Variants in CHD6 observed in about 807,000 individuals in gnomAD.
CHD6 encodes the protein chromodomain helicase DNA binding protein 6.
CHD6 carries 50 observed loss-of-function variants against 276.9 expected under a neutral mutation model. The observed-to-expected ratio is 0.18, with a 90% CI of 0.14 to 0.23. The LOEUF (loss-of-function observed/expected upper bound fraction) is 0.23. Among genes scored for constraint, CHD6 ranks in the 10% least tolerant of loss-of-function variants. The pLI is 1.00. For missense variants in CHD6, 2,564 were observed against 3,365.8 expected (o/e 0.76, Z 5.89); for synonymous variants, 1,173 against 1,229.3 (o/e 0.95, Z 0.96).
At chr20:41,559,926 C>T (rs747664816) in intron 1 of CHD6, among the ~76,000 whole-genome samples, 7 of 151,974 alleles carry the variant, frequency 4.6e-5, no homozygotes, top group Non-Finnish European at 1.0e-4. Flanking sequence ...TCCTGTGTTC[C>T]CCATCAGAGG....
At chr20:41,569,155 T>C (rs1263198050) in intron 1 of CHD6, among the ~76,000 whole-genome samples, 1 of 152,184 alleles carries the variant, frequency 6.6e-6, no homozygotes, top group Non-Finnish European at 1.5e-5. Context: ...GGGTGAATGA[T>C]GAGGCAGGTG....
At chr20:41,530,096 G>C (rs2044644192) in intron 3 of CHD6, among the ~76,000 whole-genome samples, 1 of 152,300 alleles carries the variant, frequency 6.6e-6, no homozygotes, top group Non-Finnish European at 1.5e-5. Context: ...TGCAGTGCTG[G>C]CAGATAAACT....
intron 5 of CHD6, among the ~76,000 whole-genome samples, chr20:41,499,841 G>GTAT (rs2043790175): frequency 6.6e-6 from 1 of 152,030 alleles, no homozygotes; most frequent in Admixed American, 6.6e-5. Context: ...AGATAAAATA[G>GTAT]TATTACTATT....
At chr20:41,570,607 T>G (rs1004089762) in intron 1 of CHD6, among the ~76,000 whole-genome samples, 4 of 152,236 alleles carry the variant, frequency 2.6e-5, no homozygotes. Flanking sequence ...ATTCTCAGCC[T>G]TCTGTGATAT....
At chr20:41,516,084 T>C (rs1031610883) in intron 3 of CHD6, among the ~76,000 whole-genome samples, 40 of 152,184 alleles carry the variant, frequency 2.6e-4, no homozygotes, top group African/African-American at 7.0e-4. Context: ...TAATACTTTA[T>C]ATAATAATTA....
chr20:41,596,518 G>T (rs1409865226), intron 1 of CHD6, among the ~76,000 whole-genome samples: 1 of 151,790 alleles, frequency 6.6e-6, no homozygotes, highest in Non-Finnish European at 1.5e-5. Context: ...ACATCCTCCC[G>T]GTCAAAATAT....
Position 41,452,632 on chromosome 20 carries a change from T to C in CHD6, c.3323+108A>G. 2 of 995,790 alleles carry C rather than the reference T, an allele frequency of 2.0e-6. No homozygotes were observed. The highest frequency in any genetic ancestry group is 3.0e-6 in the Non-Finnish European group (2 of 664,306). The allele number at this position is 995,790 out of a possible 1,614,324, so 61.7% of individuals were successfully genotyped here. On this transcript the variant is annotated intron_variant, in intron 21 of 36. Transcript: ENST00000373233. The surrounding 1 kb of genome is among the most constrained non-coding windows in gnomAD (Gnocchi z 4.2). ...TGCTCCAACAGATCCCCCTTTGCCC[T>C]ATAATTCCAAAGGTGACTGGAGAGA...
chr20:41,484,749 CT>C, intron 14 of CHD6, 142 bp from the exon 15 acceptor site: 1 of 837,712 alleles, frequency 1.2e-6, no homozygotes, highest in Non-Finnish European at 1.9e-6. Flanking sequence ...TGATCGACCC[CT>C]GAAAATGGAG....
At chr20:41,459,887 T>C (rs551763996) in intron 17 of CHD6, among the ~76,000 whole-genome samples, 1 of 152,104 alleles carries the variant, frequency 6.6e-6, no homozygotes, top group African/African-American at 2.4e-5. Context: ...TAGGCAGAGG[T>C]TGGAACAGTT....
intron 23 of CHD6, among the ~76,000 whole-genome samples, chr20:41,449,071 T>G (rs909133761): frequency 2.0e-5 from 3 of 152,068 alleles, no homozygotes; most frequent in Non-Finnish European, 4.4e-5. Context: ...TCGGCTAATT[T>G]TTTATATTTT....
intron 23 of CHD6, among the ~76,000 whole-genome samples, chr20:41,449,637 A>T (rs1248585020): frequency 2.0e-5 from 3 of 152,230 alleles, no homozygotes; most frequent in African/African-American, 7.2e-5. Context: ...TGGTTTAGCC[A>T]AAGAAAACAA....
chr20:41,567,607 G>GA (rs1055764704), intron 1 of CHD6, among the ~76,000 whole-genome samples: 69 of 143,894 alleles, frequency 4.8e-4, no homozygotes, highest in East Asian at 2.0e-3. Context: ...AGGTACTGAT[G>GA]AAAAAAAAAA....
chr20:41,536,214 A>G (rs947362944), intron 2 of CHD6, among the ~76,000 whole-genome samples: 1 of 152,214 alleles, frequency 6.6e-6, no homozygotes, highest in African/African-American at 2.4e-5. Context: ...ATGGGCCACA[A>G]GGTGCCAAAA....
intron 17 of CHD6, among the ~76,000 whole-genome samples, chr20:41,471,989 T>G (rs2043063648): frequency 6.6e-6 from 1 of 152,040 alleles, no homozygotes; most frequent in Admixed American, 6.5e-5. Context: ...ATCCCACCAC[T>G]TTGGGAGGCC....
At chr20:41,431,776 C>CTTTTTTTTTTTTTT (rs61227802) in intron 27 of CHD6, among the ~76,000 whole-genome samples, 9,300 of 101,926 alleles carry the variant, frequency 0.091, 1,025 homozygotes, top group East Asian at 0.13. Context: ...AAAAAACATG[C>CTTTTTTTTTTTTTT]TTTTTTTTTT....
intron 7 of CHD6, 156 bp downstream of exon 7, chr20:41,498,012 A>C: frequency 1.7e-6 from 1 of 600,822 alleles, no homozygotes; most frequent in South Asian, 2.1e-5. Context: ...GCTATAATTG[A>C]GCGTTACTGC....
rs778459269 is a variant in CHD6, at chr20:41,484,474, C to T, written c.2135G>A (p.Arg712His). The T allele has an allele frequency of 6.2e-7, 1 of 1,613,790 alleles. No individual in the cohort carries two copies. The highest frequency in any genetic ancestry group is 8.5e-7 in the Non-Finnish European group (1 of 1,179,828). Residue 712 changes from arginine to histidine, a missense_variant, in exon 15 of 37, where the codon CGT becomes CAT. Physicochemically the swap from Arg to His is conservative, Grantham distance 29. Around this residue, in one of 7 missense-constraint regions of CHD6, gnomAD observed 457 missense variants for 889.0 expected, o/e 0.51. Coordinates refer to ENST00000373233, the MANE Select transcript of CHD6 (RefSeq NM_032221.5). ...GGAAAAGTTCTTCTCGAGGATGGCA[C>T]GGTAGTACTTTTTCTGGATATTGGT... ...ELTNIQKKYY[R>H]AILEKNFSFL...
intron 1 of CHD6, among the ~76,000 whole-genome samples, chr20:41,604,916 G>C (rs2045811803): frequency 6.6e-6 from 1 of 152,094 alleles, no homozygotes; most frequent in African/African-American, 2.4e-5. Flanking sequence ...GGATCCTAAT[G>C]GGGGACAGGG....
chr20:41,434,925 T>C (rs2047658986), intron 27 of CHD6, among the ~76,000 whole-genome samples: 1 of 152,206 alleles, frequency 6.6e-6, no homozygotes, highest in Non-Finnish European at 1.5e-5. Context: ...AAGCATGTTC[T>C]TTCCAAGTGC....
Sources: gnomAD v4.1 joint callset for allele counts (sites outside exome capture counted in the v4.1 genomes callset) on GRCh38, gnomAD v4.1.1 for gene constraint, gnomAD v4.1.1 regional missense constraint, Gnocchi (gnomAD v3.1) non-coding constraint, MANE v1.5 for transcripts, NCBI Gene and HGNC (gene_info 2026-07-23, HGNC 2026-07-21) for gene names.